Variants in TOPAZ1 observed in about 807,000 individuals in gnomAD.
TOPAZ1 encodes testis and ovary specific TOPAZ 1, also known as protein TOPAZ1.
In TOPAZ1, 66 loss-of-function variants were observed where a neutral mutation model predicts 172.2. The observed-to-expected ratio is 0.38, with a 90% CI of 0.31 to 0.47. The LOEUF is 0.47. Ranked by LOEUF, TOPAZ1 falls within the 20% of genes least tolerant of loss-of-function variation. The pLI, the probability that TOPAZ1 is intolerant of heterozygous loss-of-function variation, is 0.99. For synonymous variants in TOPAZ1, 681 were observed against 683.9 expected, an observed-to-expected ratio of 1.00 and a Z score of 0.07; for missense variants, 1,822 against 1,972.4, an observed-to-expected ratio of 0.92 and a Z score of 1.44.
intron 5 of TOPAZ1, among the ~76,000 whole-genome samples, chr3:44,263,243 G>T (rs1196968842): frequency 6.6e-6 from 1 of 152,120 alleles, no homozygotes; most frequent in African/African-American, 2.4e-5. Flanking sequence ...ACCATTTGGA[G>T]ATACTAAAGA....
chr3:44,264,495 T>C (rs1242668041), intron 5 of TOPAZ1, among the ~76,000 whole-genome samples: 2 of 152,174 alleles, frequency 1.3e-5, no homozygotes, highest in African/African-American at 4.8e-5. Context: ...CTTCAGTGAG[T>C]CATATTTGCC....
At chr3:44,278,507 C>T (rs1699988170) in intron 8 of TOPAZ1, among the ~76,000 whole-genome samples, 1 of 152,044 alleles carries the variant, frequency 6.6e-6, no homozygotes, top group Non-Finnish European at 1.5e-5. Context: ...GGTCCTGATG[C>T]AATCTCATTA....
chr3:44,291,832 G>T (rs13323323), intron 12 of TOPAZ1, among the ~76,000 whole-genome samples: 32,735 of 152,030 alleles, frequency 0.22, 3,696 homozygotes, highest in Middle Eastern at 0.36. Context: ...AGAATGCCCA[G>T]AAATCTCCAA....
intron 5 of TOPAZ1, among the ~76,000 whole-genome samples, chr3:44,262,974 G>A (rs1028711039): frequency 6.6e-6 from 1 of 152,190 alleles, no homozygotes; most frequent in African/African-American, 2.4e-5. Flanking sequence ...GGTGATGGAT[G>A]CATTTGAGGC....
intron 2 of TOPAZ1, among the ~76,000 whole-genome samples, chr3:44,251,495 C>G (rs146529093): frequency 1.0e-3 from 156 of 152,306 alleles, no homozygotes; most frequent in African/African-American, 3.7e-3. Context: ...CATCTTCCAG[C>G]TATTTTGCCA....
chr3:44,253,270 A>G (rs1356459701), intron 2 of TOPAZ1, among the ~76,000 whole-genome samples: 2 of 152,230 alleles, frequency 1.3e-5, no homozygotes, highest in East Asian at 3.8e-4. Flanking sequence ...TATGCTAAGC[A>G]TATAGGAATT....
In TOPAZ1 at chr3:44,243,198, G is replaced by A; in HGVS notation, c.692G>A (p.Cys231Tyr). ...NSVLKLRDCNCFPHSKGCNDE... is the reference protein window; with the variant it reads ...NSVLKLRDCNYFPHSKGCNDE... Reference sequence around the variant, plus strand: ...GTTTTAAAATTACGTGATTGCAATTGTTTCCCCCATTCCAAGGGTTGTAAT... The same window carrying A: ...GTTTTAAAATTACGTGATTGCAATTATTTCCCCCATTCCAAGGGTTGTAAT... The change falls in exon 2 of 20, where the codon TGT (cysteine) becomes TAT (tyrosine). Residue 231 changes from cysteine (C) to tyrosine (Y), a missense_variant. Around this residue, in one of 2 missense-constraint regions of TOPAZ1, gnomAD observed 1,489 missense variants for 1,490.8 expected, o/e 1.00. Transcript: ENST00000309765. 1 of 1,549,012 alleles carries A rather than the reference G, an allele frequency of 6.5e-7. No individual in the cohort carries two copies. Among genetic ancestry groups the A allele is most frequent in the East Asian group, 2.4e-5 (1 of 40,888 alleles).
At chr3:44,277,464 T>C (rs565948996) in intron 8 of TOPAZ1, among the ~76,000 whole-genome samples, 1 of 152,354 alleles carries the variant, frequency 6.6e-6, no homozygotes, top group East Asian at 1.9e-4. Context: ...CTTCTCCAAC[T>C]TGGATGCCTT....
intron 16 of TOPAZ1, among the ~76,000 whole-genome samples, chr3:44,311,182 A>G (rs1347356636): frequency 1.3e-5 from 2 of 152,194 alleles, no homozygotes; most frequent in African/African-American, 2.4e-5. Context: ...TATATAAAAT[A>G]TCTTGTATAT....
chr3:44,312,275 C>G (rs1157966297), intron 16 of TOPAZ1, among the ~76,000 whole-genome samples: 1 of 149,474 alleles, frequency 6.7e-6, no homozygotes, highest in Non-Finnish European at 1.5e-5. Context: ...GCAGTTGCTA[C>G]CATCCGAATA....
At chr3:44,302,602 T>C (rs114367076) in intron 12 of TOPAZ1, among the ~76,000 whole-genome samples, 1,690 of 152,290 alleles carry the variant, frequency 0.011, 33 homozygotes, top group African/African-American at 0.039. Context: ...TAGTATGTTT[T>C]AATTTTTGGT....
At chr3:44,257,423 T>G (rs1699724505) in intron 4 of TOPAZ1, among the ~76,000 whole-genome samples, 1 of 136,154 alleles carries the variant, frequency 7.3e-6, no homozygotes, top group African/African-American at 2.8e-5. Context: ...TTTATATATT[T>G]TATATATATA....
intron 8 of TOPAZ1, among the ~76,000 whole-genome samples, chr3:44,280,861 G>C (rs1396253839): frequency 6.6e-6 from 1 of 152,204 alleles, no homozygotes; most frequent in South Asian, 2.1e-4. Context: ...CCCCAGGGCA[G>C]GGTTACAATC....
intron 11 of TOPAZ1, among the ~76,000 whole-genome samples, chr3:44,290,011 C>A (rs1014032419): frequency 2.0e-5 from 3 of 152,260 alleles, no homozygotes; most frequent in African/African-American, 7.2e-5. Context: ...GGTAGCTAGT[C>A]ATAATACCTT....
intron 4 of TOPAZ1, among the ~76,000 whole-genome samples, chr3:44,260,975 CTTTTT>C (rs377256274): frequency 2.6e-5 from 3 of 115,688 alleles, no homozygotes; most frequent in African/African-American, 6.5e-5. Context: ...AGATCTGTTT[CTTTTT>C]TTTTGTTTCA....
downstream of TOPAZ1, among the ~76,000 whole-genome samples, chr3:44,336,467 A>G (rs11707582): frequency 0.35 from 53,377 of 152,026 alleles, 10,238 homozygotes; most frequent in African/African-American, 0.47. Flanking sequence ...TTCAGCCACA[A>G]TCAGATTTGC....
At chr3:44,335,504 A>C (rs1700713642), downstream of TOPAZ1, among the ~76,000 whole-genome samples, 1 of 152,060 alleles carries the variant, frequency 6.6e-6, no homozygotes, top group African/African-American at 2.4e-5. Flanking sequence ...CACACCTATA[A>C]TCCCAGATAC....
At chr3:44,314,157 G>A (rs1307715421) in intron 16 of TOPAZ1, among the ~76,000 whole-genome samples, 1 of 152,094 alleles carries the variant, frequency 6.6e-6, no homozygotes, top group Non-Finnish European at 1.5e-5. Context: ...TCAATCTCCT[G>A]ACCTCGTGAT....
At chr3:44,297,100 G>A (rs1377586584) in intron 12 of TOPAZ1, among the ~76,000 whole-genome samples, 1 of 151,406 alleles carries the variant, frequency 6.6e-6, no homozygotes, top group African/African-American at 2.4e-5. Flanking sequence ...GAACCCAGGA[G>A]GCGGAGGTTA....
Sources: allele counts gnomAD v4.1 joint callset (sites outside exome capture counted in the v4.1 genomes callset), GRCh38; gene constraint gnomAD v4.1.1; regional missense constraint gnomAD v4.1.1; transcripts MANE v1.5; gene names NCBI Gene and HGNC (gene_info 2026-07-23, HGNC 2026-07-21).